Variants in CNTN5 observed in about 807,000 individuals in gnomAD.
CNTN5 encodes contactin-5.
A neutral mutation model predicts 129.1 loss-of-function variants in CNTN5; 77 were observed. The ratio of observed to expected loss-of-function variants is 0.60; its 90% CI spans 0.50 to 0.72. The LOEUF (loss-of-function observed/expected upper bound fraction) is 0.72, where lower values mean the gene tolerates loss of function less well. Ranked by LOEUF, CNTN5 falls within the 30% of genes least tolerant of loss-of-function variation. CNTN5 has a pLI of 0.00. For missense variants in CNTN5, 1,478 were observed against 1,328.8 expected (o/e 1.11, Z -1.75); for synonymous variants, 509 against 465.6 (o/e 1.09, Z -1.20).
intron 8 of CNTN5, among the ~76,000 whole-genome samples, chr11:99,961,782 T>C (rs537215205): frequency 2.0e-5 from 3 of 152,302 alleles, no homozygotes; most frequent in African/African-American, 7.2e-5. Flanking sequence ...AAAACTCTTA[T>C]TCTAGCATTC....
chr11:99,619,739 C>G (rs1400188469), intron 3 of CNTN5, among the ~76,000 whole-genome samples: 1 of 151,882 alleles, frequency 6.6e-6, no homozygotes, highest in African/African-American at 2.4e-5. Flanking sequence ...TACTAAGAAA[C>G]AAAGCTGTCG....
rs546725249 is a variant in CNTN5, at chr11:99,213,384, A to G, written c.-209-111962A>G. ...TATATATGTATATATGTATATACAT[A>G]TATACACGTGTATATATACACATAT... On this transcript the variant is annotated intron_variant, in intron 1 of 24. Transcript: ENST00000524871. Among the ~76,000 whole-genome samples, 11 of 138,858 alleles carry G rather than the reference A, an allele frequency of 7.9e-5. No homozygotes were observed. In the South Asian group the frequency reaches 2.3e-3, roughly 29 times the overall value. The allele number at this position is 138,858 out of a possible 152,430, so 91.1% of individuals were successfully genotyped here.
At chr11:99,118,496 TTCCATTG>T (rs911570845) in intron 1 of CNTN5, among the ~76,000 whole-genome samples, 24 of 152,108 alleles carry the variant, frequency 1.6e-4, no homozygotes, top group South Asian at 4.1e-4. Context: ...GGAGTTGTGC[TTCCATTG>T]GTTTATTCAT....
intron 1 of CNTN5, among the ~76,000 whole-genome samples, chr11:99,278,482 T>G (rs1863549744): frequency 1.3e-5 from 2 of 151,730 alleles, no homozygotes; most frequent in South Asian, 4.1e-4. Context: ...ATTTCAAAAT[T>G]TTTTGTACTT....
At chr11:99,645,921 T>TA (rs1951944182) in intron 3 of CNTN5, among the ~76,000 whole-genome samples, 1 of 151,870 alleles carries the variant, frequency 6.6e-6, no homozygotes, top group Non-Finnish European at 1.5e-5. Context: ...GTTTTGCACA[T>TA]GTATCCCATA....
intron 3 of CNTN5, among the ~76,000 whole-genome samples, chr11:99,721,438 G>A (rs1467308141): frequency 6.6e-6 from 1 of 152,062 alleles, no homozygotes; most frequent in Non-Finnish European, 1.5e-5. Flanking sequence ...ATATGCAGAA[G>A]ATGGAAGCTG....
intron 9 of CNTN5, among the ~76,000 whole-genome samples, chr11:100,011,062 A>G (rs1312911307): frequency 6.6e-6 from 1 of 152,138 alleles, no homozygotes; most frequent in Non-Finnish European, 1.5e-5. Context: ...CACTGAATGA[A>G]TTCAGGTATG....
chr11:99,627,370 A>G (rs546775086), intron 3 of CNTN5, among the ~76,000 whole-genome samples: 1 of 152,294 alleles, frequency 6.6e-6, no homozygotes, highest in East Asian at 1.9e-4. Flanking sequence ...TCTGTTACAA[A>G]AACTATTCTT....
intron 3 of CNTN5, among the ~76,000 whole-genome samples, chr11:99,744,825 G>T (rs1335257147): frequency 1.3e-5 from 2 of 151,912 alleles, no homozygotes; most frequent in African/African-American, 2.4e-5. Flanking sequence ...AAGCACAGAA[G>T]AAGTAAAGCA....
chr11:99,428,543 G>C (rs1334192950), intron 2 of CNTN5, among the ~76,000 whole-genome samples: 3 of 136,846 alleles, frequency 2.2e-5, no homozygotes, highest in Admixed American at 7.7e-5. Context: ...CTGGACAAGA[G>C]AGTGAGACCC....
intron 17 of CNTN5, among the ~76,000 whole-genome samples, chr11:100,261,020 A>G (rs1950184351): frequency 6.6e-6 from 1 of 152,186 alleles, no homozygotes; most frequent in Admixed American, 6.5e-5. Flanking sequence ...CTGTTTGCAC[A>G]TGACATGACT....
intron 7 of CNTN5, among the ~76,000 whole-genome samples, chr11:99,955,807 G>T (rs943467644): frequency 7.9e-5 from 12 of 151,800 alleles, no homozygotes; most frequent in Non-Finnish European, 1.8e-4. Context: ...CTCATGATCC[G>T]CCCGCCTCGG....
At chr11:99,252,269 C>T (rs978733468) in intron 1 of CNTN5, among the ~76,000 whole-genome samples, 4 of 151,780 alleles carry the variant, frequency 2.6e-5, no homozygotes, top group African/African-American at 9.7e-5. Flanking sequence ...GCTTATTTGT[C>T]GAGGCCAGGT....
intron 3 of CNTN5, among the ~76,000 whole-genome samples, chr11:99,727,879 T>C (rs1943405107): frequency 6.6e-6 from 1 of 150,418 alleles, no homozygotes; most frequent in Non-Finnish European, 1.5e-5. Context: ...TTATTTAATC[T>C]GCACAATTAT....
intron 2 of CNTN5, among the ~76,000 whole-genome samples, chr11:99,374,735 G>A (rs1940055655): frequency 6.6e-6 from 1 of 151,992 alleles, no homozygotes; most frequent in Non-Finnish European, 1.5e-5. Context: ...ATGTCTGGTC[G>A]GTGAGGTAAA....
chr11:99,353,728 G>C (rs1443590345), intron 2 of CNTN5, among the ~76,000 whole-genome samples: 1 of 152,124 alleles, frequency 6.6e-6, no homozygotes, highest in Non-Finnish European at 1.5e-5. Flanking sequence ...CTAAGAATGA[G>C]GTTAATTTCT....
At chr11:100,261,994 C>T in intron 17 of CNTN5, among the ~76,000 whole-genome samples, 1 of 152,172 alleles carries the variant, frequency 6.6e-6, no homozygotes. Flanking sequence ...AAGAAACTAT[C>T]ATCATAGTGA....
intron 3 of CNTN5, among the ~76,000 whole-genome samples, chr11:99,685,342 A>G (rs1953743677): frequency 6.6e-6 from 1 of 151,872 alleles, no homozygotes; most frequent in South Asian, 2.1e-4. Context: ...TGTGTACCAT[A>G]GTTGCTGAGT....
intron 6 of CNTN5, among the ~76,000 whole-genome samples, chr11:99,893,182 C>G (rs1005205880): frequency 3.4e-4 from 52 of 152,150 alleles, no homozygotes; most frequent in African/African-American, 1.2e-3. Flanking sequence ...TCAAAAAGGT[C>G]CACTTTTAAA....
Sources: allele counts gnomAD v4.1 joint callset (sites outside exome capture counted in the v4.1 genomes callset), GRCh38; gene constraint gnomAD v4.1.1; transcripts MANE v1.5; gene names NCBI Gene and HGNC (gene_info 2026-07-23, HGNC 2026-07-21).